COL4A3: variants seen among roughly 807,000 people sequenced by gnomAD.
The protein encoded by COL4A3 is collagen type IV alpha 3 chain, also known as collagen alpha-3(IV) chain.
COL4A3 carries 135 observed loss-of-function variants against 217.4 expected under a neutral mutation model. That is an observed-to-expected ratio of 0.62 (90% CI 0.54 to 0.72). The LOEUF is 0.72. COL4A3 is among the 30% of genes least tolerant of loss of function. The pLI, the probability that COL4A3 is intolerant of heterozygous loss-of-function variation, is 0.00. For synonymous variants in COL4A3, 690 were observed against 736.3 expected (o/e 0.94, Z 1.02); for missense variants, 1,868 against 2,119.9 (o/e 0.88, Z 2.33).
At chr2:227,217,292 A>T (rs967786949) in intron 1 of COL4A3, among the ~76,000 whole-genome samples, 1 of 152,234 alleles carries the variant, frequency 6.6e-6, no homozygotes, top group Non-Finnish European at 1.5e-5. Flanking sequence ...TGTGGGAATT[A>T]TGGGAGCTAC....
intron 23 of COL4A3, among the ~76,000 whole-genome samples, chr2:227,267,765 A>G (rs370226704): frequency 1.4e-5 from 2 of 146,526 alleles, no homozygotes; most frequent in African/African-American, 2.6e-5. Flanking sequence ...TTAAAAAAAT[A>G]TTAGCCACTA....
chr2:227,253,398 C>T lies in COL4A3; in HGVS notation c.687+61C>T. 1 of 1,564,252 alleles carries T rather than the reference C, an allele frequency of 6.4e-7. No homozygotes were observed. The highest frequency in any genetic ancestry group is 8.8e-7 in the Non-Finnish European group (1 of 1,134,664). On this transcript the variant is annotated intron_variant, in intron 12 of 51. Transcript: ENST00000396578. The surrounding 1 kb of genome is among the most constrained non-coding windows in gnomAD (Gnocchi z 4.4). ...TATTTTATGTCCCAGAGCATATCAG[C>T]CTATACCGTTTACTTACGGGCCAAG...
rs185135917 is a variant in COL4A3 at position 227,242,825 on chromosome 2, A to T, written c.235-1495A>T. 4.6e-5 allele frequency among the ~76,000 whole-genome samples: 7 copies of T among 152,318 alleles called. No individual in the cohort carries two copies. The East Asian group carries it at 1.3e-3, about 29-fold the overall frequency. On this transcript the variant is annotated intron_variant, in intron 3 of 51. Coordinates refer to ENST00000396578, the MANE Select transcript of COL4A3 (RefSeq NM_000091.5). ...ACTCTTGAAACCACACCCACAGCTT[A>T]CATGTAAAATGCAAAATCTTGCTGT...
Position 227,273,118 on chromosome 2 carries a change from G to T in COL4A3, c.1927+1G>T. ...GCCCCCGGACCACCCGGAGAAGCCG[G>T]TTGGTTAGTTTTCTTTCCAGTCCTG... On this transcript the variant is annotated splice_donor_variant, in intron 26 of 51. Coordinates refer to ENST00000396578, the MANE Select transcript of COL4A3 (RefSeq NM_000091.5). LOFTEE classifies it high-confidence loss of function. 1.9e-6 allele frequency: 3 copies of T among 1,613,306 alleles called. No homozygotes were observed. Among genetic ancestry groups the T allele is most frequent in the East Asian group, 2.2e-5 (1 of 44,878 alleles).
At chr2:227,301,478 GT>G (rs1157988987) in intron 43 of COL4A3, among the ~76,000 whole-genome samples, 4 of 152,134 alleles carry the variant, frequency 2.6e-5, no homozygotes, top group Non-Finnish European at 4.4e-5. Flanking sequence ...AACTTTAAAA[GT>G]TTTTTTGAAA....
chr2:227,276,738 A>G (rs977932054), intron 27 of COL4A3, among the ~76,000 whole-genome samples: 3 of 152,234 alleles, frequency 2.0e-5, no homozygotes, highest in Non-Finnish European at 4.4e-5. Context: ...GAGGAATTTT[A>G]GAGCAGAAAA....
At chr2:227,298,127 C>T (rs1427323524) in intron 42 of COL4A3, among the ~76,000 whole-genome samples, 2 of 152,166 alleles carry the variant, frequency 1.3e-5, no homozygotes, top group African/African-American at 2.4e-5. Context: ...GCAGACGGAT[C>T]ACTTGAGGTC....
At chr2:227,300,367 G>C (rs1386287052) in intron 43 of COL4A3, among the ~76,000 whole-genome samples, 1 of 151,798 alleles carries the variant, frequency 6.6e-6, no homozygotes, top group Non-Finnish European at 1.5e-5. Context: ...TGCCTAGCTT[G>C]TTGTTGCTGA....
intron 48 of COL4A3, 29 bp from the exon 49 acceptor site, chr2:227,308,864 TACTGAA>T (rs1188645851): frequency 9.4e-6 from 15 of 1,603,836 alleles, no homozygotes; most frequent in Non-Finnish European, 1.3e-5. Context: ...AACTTTAACT[TACTGAA>T]AGTGATACTC....
At chr2:227,199,438 T>A (rs538900347) in intron 1 of COL4A3, among the ~76,000 whole-genome samples, 2 of 152,340 alleles carry the variant, frequency 1.3e-5, no homozygotes, top group South Asian at 4.1e-4. Context: ...AGGTAATCAA[T>A]GCCCTGTTGT....
chr2:227,221,405 A>G (rs2067776431), intron 1 of COL4A3: 1 of 144,822 alleles, frequency 6.9e-6, no homozygotes, highest in Middle Eastern at 3.6e-3. Context: ...GATGACCTTT[A>G]TTTCATGGTC....
At position 227,254,193 on chromosome 2, in the gene COL4A3, T is replaced by G. The variant is rs1468996660; in HGVS notation, c.828+19T>G. ...ACCCTCAGTAGGTTATTTAAAGTTATATTGTCCCCATAACACATAAAGTAG... is the reference window on the plus strand; with the variant it reads ...ACCCTCAGTAGGTTATTTAAAGTTAGATTGTCCCCATAACACATAAAGTAG... On this transcript the variant is annotated intron_variant, in intron 14 of 51. Coordinates refer to ENST00000396578, the MANE Select transcript of COL4A3 (RefSeq NM_000091.5). 2 of 1,606,752 alleles carry G rather than the reference T, an allele frequency of 1.2e-6. No individual in the cohort carries two copies. Among genetic ancestry groups the G allele is most frequent in the South Asian group, 2.2e-5 (2 of 90,934 alleles).
intron 1 of COL4A3, among the ~76,000 whole-genome samples, chr2:227,192,703 C>A (rs192897429): frequency 1.6e-3 from 236 of 152,166 alleles, no homozygotes; most frequent in African/African-American, 5.5e-3. Context: ...TTAGGGGTGT[C>A]CTGGAGGGCA....
chr2:227,286,287 T>A (rs935447641), intron 34 of COL4A3, among the ~76,000 whole-genome samples: 1 of 149,132 alleles, frequency 6.7e-6, no homozygotes, highest in African/African-American at 2.5e-5. Flanking sequence ...AGGTCAGGAG[T>A]TCGAGACCAG....
At chr2:227,251,017 T>A in intron 9 of COL4A3, 123 bp from the exon 10 acceptor site, 3 of 788,072 alleles carry the variant, frequency 3.8e-6, no homozygotes, top group Non-Finnish European at 6.6e-6. Context: ...CTGCAGCCAC[T>A]GAAAGGGGAG....
intron 34 of COL4A3, among the ~76,000 whole-genome samples, chr2:227,287,960 A>C (rs1244273151): frequency 1.3e-5 from 2 of 152,250 alleles, no homozygotes; most frequent in African/African-American, 2.4e-5. Context: ...GAATAAGTAC[A>C]TATGCAGGAA....
Position 227,211,758 on chromosome 2 carries a change from A to G in COL4A3, c.88-26210A>G, listed in dbSNP as rs181692148. Among the ~76,000 whole-genome samples the G allele has an allele frequency of 6.8e-3, 1,034 of 152,156 alleles. 12 individuals are homozygous for G. The highest frequency in any genetic ancestry group is 0.01 in the Non-Finnish European group (712 of 67,998). On this transcript the variant is annotated intron_variant, in intron 1 of 51. Coordinates refer to ENST00000396578, the MANE Select transcript of COL4A3 (RefSeq NM_000091.5). ...CTGCAACCTCCACCTCCCAGGTTCAAGCAATTCTCCTGCCTCAGCCTCCCA... is the reference window on the plus strand; with the variant it reads ...CTGCAACCTCCACCTCCCAGGTTCAGGCAATTCTCCTGCCTCAGCCTCCCA...
rs1485280121 is a variant in COL4A3, at chr2:227,310,927, T to C, written c.4907T>C (p.Leu1636Ser). The C allele has an allele frequency of 6.2e-7, 1 of 1,613,844 alleles. No individual in the cohort carries two copies. The highest frequency in any genetic ancestry group is 1.1e-5 in the South Asian group (1 of 91,082). ...TCCTACAGTTTCTGGCTGGCTTCAT[T>C]AAACCCAGAAAGAATGTTCAGGTAA... ...SNSYSFWLAS[L>S]NPERMFRKPI... The change falls in exon 51 of 52, where the codon TTA (leucine) becomes TCA (serine). Residue 1636 changes from leucine (L) to serine (S), a missense_variant. Transcript: ENST00000396578.
chr2:227,305,147 C>A, intron 47 of COL4A3, 64 bp downstream of exon 47: 1 of 1,410,580 alleles, frequency 7.1e-7, no homozygotes, highest in South Asian at 1.2e-5. Flanking sequence ...AAGTCTTGTT[C>A]GAGTGGGTGA....
Sources: allele counts gnomAD v4.1 joint callset (sites outside exome capture counted in the v4.1 genomes callset), GRCh38; gene constraint gnomAD v4.1.1; non-coding constraint Gnocchi (gnomAD v3.1); transcripts MANE v1.5; gene names NCBI Gene and HGNC (gene_info 2026-07-23, HGNC 2026-07-21).